The following MALT1 variants were observed in gnomAD, a reference collection of about 807,000 sequenced individuals.
The protein encoded by MALT1 is MALT1 paracaspase, also known as mucosa-associated lymphoid tissue lymphoma translocation protein 1.
MALT1 carries 36 observed loss-of-function variants against 85.5 expected under a neutral mutation model. The ratio of observed to expected loss-of-function variants is 0.42; its 90% CI spans 0.32 to 0.56. The LOEUF is 0.56. Among genes scored for constraint, MALT1 ranks in the 20% least tolerant of loss-of-function variants. The pLI is 0.10. For missense variants in MALT1, 716 were observed against 981.6 expected, an observed-to-expected ratio of 0.73 and a Z score of 3.62; for synonymous variants, 359 against 361.3, an observed-to-expected ratio of 0.99 and a Z score of 0.07.
chr18:58,749,000 A>C lies in MALT1; in HGVS notation c.*1158A>C. On this transcript the variant is annotated 3_prime_UTR_variant, in exon 17 of 17. Coordinates refer to ENST00000649217, the MANE Select transcript of MALT1 (RefSeq NM_006785.4). ...AATATTCCTTATTAATACAAACACA[A>C]AAATCATTAACAAAAATATTAGCAA... The C allele has an allele frequency of 4.8e-6, 1 of 209,572 alleles. No homozygotes were observed. Among genetic ancestry groups the C allele is most frequent in the Non-Finnish European group, 9.7e-6 (1 of 102,982 alleles). 13.0% of individuals were successfully genotyped at this position (209,572 alleles called of 1,614,324 possible). A position where few individuals can be genotyped will look rare whatever the true frequency, so the allele number is the denominator to read the frequency against.
chr18:58,745,735 A>C lies in MALT1; in HGVS notation c.1981A>C (p.Lys661Gln). The change falls in exon 16 of 17, where the codon AAG becomes CAG. Residue 661 changes from lysine (K) to glutamine (Q), a missense_variant. Physicochemically the swap from Lys to Gln is moderately conservative, Grantham distance 53. Transcript: ENST00000649217. ...PEETGSYLVSKDLPKHCLYTR... is the reference protein window; with the variant it reads ...PEETGSYLVSQDLPKHCLYTR... ...AGAAACTGGCAGCTACTTGGTATCA[A>C]AGGATCTTCCCAAGCATTGCCTCTA... 6.2e-7 allele frequency: 1 copy of C among 1,613,778 alleles called. No individual in the cohort carries two copies. Among genetic ancestry groups the C allele is most frequent in the South Asian group, 1.1e-5 (1 of 91,072 alleles).
At chr18:58,730,733 T>C (rs1229088723) in intron 10 of MALT1, among the ~76,000 whole-genome samples, 2 of 152,234 alleles carry the variant, frequency 1.3e-5, no homozygotes, top group Non-Finnish European at 2.9e-5. Flanking sequence ...TACACCATTT[T>C]ACATTTGTGC....
Position 58,709,970 on chromosome 18 carries a change from A to G in MALT1, c.829-6A>G. ...GAAGCATTTACATGTTCTAATATTG[A>G]TATAGGTGCCTTATGTGGATTTGGA... On this transcript the variant is annotated splice_region_variant and splice_polypyrimidine_tract_variant and intron_variant, in intron 5 of 16. Coordinates refer to ENST00000649217, the MANE Select transcript of MALT1 (RefSeq NM_006785.4). 2 of 1,569,456 alleles carry G rather than the reference A, an allele frequency of 1.3e-6. No homozygotes were observed. The highest frequency in any genetic ancestry group is 1.7e-6 in the Non-Finnish European group (2 of 1,143,274).
intron 13 of MALT1, 97 bp downstream of exon 13, chr18:58,735,426 T>A: frequency 7.5e-7 from 1 of 1,335,838 alleles, no homozygotes; most frequent in Non-Finnish European, 1.0e-6. Flanking sequence ...TTTATTCTTA[T>A]TATGTGGGTT....
In MALT1 at chr18:58,693,429, AAAG is replaced by A. The variant is rs200096748; in HGVS notation, c.377-2936_377-2934del. On this transcript the variant is annotated intron_variant, in intron 2 of 16. Coordinates refer to ENST00000649217, the MANE Select transcript of MALT1 (RefSeq NM_006785.4). Reference sequence around the variant, plus strand: ...GAGACAGACCTTGTCTCAAAACAAAAAAGCAATAAAAGATCTAGCTAAGATAAT... The same window carrying A: ...GAGACAGACCTTGTCTCAAAACAAAACAATAAAAGATCTAGCTAAGATAAT... Among the ~76,000 whole-genome samples, 72 of 152,046 alleles carry A rather than the reference AAAG, an allele frequency of 4.7e-4. 1 individual carries two copies. The East Asian group carries it at 0.013, about 28-fold the overall frequency.
chr18:58,705,370 T>C (rs1014010724), intron 4 of MALT1, among the ~76,000 whole-genome samples: 3 of 150,614 alleles, frequency 2.0e-5, no homozygotes, highest in Non-Finnish European at 3.0e-5. Flanking sequence ...CATGTGCACA[T>C]TGCGCAGGTT....
rs777514569 is a variant in MALT1 at position 58,735,292 on chromosome 18, T to G, written c.1566T>G (p.Asp522Glu). ...TTTTAAAAGACAGATTATTAGAAGA[T>G]AAGAAAATCACTGTGTTACTGGATG... is the stretch of plus-strand genomic sequence containing the variant. ...MKFLKDRLLE[D>E]KKITVLLDEV... Residue 522 changes from aspartate (D) to glutamate (E), a missense_variant, in exon 13 of 17, where the codon GAT becomes GAG. By Grantham distance (45) the Asp-to-Glu change is conservative. This residue lies in a region of MALT1 where 86 missense variants were observed against 212.3 expected (regional missense o/e 0.41). Transcript: ENST00000649217. 5 of 1,608,062 alleles carry G rather than the reference T, an allele frequency of 3.1e-6. No homozygotes were observed. Among genetic ancestry groups the G allele is most frequent in the Non-Finnish European group, 3.4e-6 (4 of 1,178,064 alleles).
chr18:58,678,489 A>G (rs1487936969), intron 1 of MALT1, among the ~76,000 whole-genome samples: 1 of 152,110 alleles, frequency 6.6e-6, no homozygotes, highest in African/African-American at 2.4e-5. Context: ...ATATATGTTT[A>G]ATATGATGGG....
intron 9 of MALT1, among the ~76,000 whole-genome samples, chr18:58,720,281 C>T (rs1419362362): frequency 6.6e-6 from 1 of 152,176 alleles, no homozygotes; most frequent in East Asian, 1.9e-4. Context: ...CTTTATTCCT[C>T]ACTCTTACCT....
chr18:58,680,021 T>TA (rs149748019), intron 1 of MALT1, among the ~76,000 whole-genome samples: 7,159 of 151,426 alleles, frequency 0.047, 202 homozygotes, highest in East Asian at 0.071. Flanking sequence ...GCATCTCTAT[T>TA]AAAAAAAAAT....
At chr18:58,704,683 A>G (rs1301189274) in intron 4 of MALT1, among the ~76,000 whole-genome samples, 1 of 152,160 alleles carries the variant, frequency 6.6e-6, no homozygotes, top group Non-Finnish European at 1.5e-5. Flanking sequence ...GTCTCAAGCG[A>G]TCCGCCCACC....
rs879522631 is a variant in MALT1 at position 58,732,762 on chromosome 18, C to CTATATATATATATATATATATATATAT, written c.1223-635_1223-634insTATATATATATATATATATATATATAT. On this transcript the variant is annotated intron_variant, in intron 10 of 16. Coordinates refer to ENST00000649217, the MANE Select transcript of MALT1 (RefSeq NM_006785.4). ...TGAGTCAGGAGAGAAATCCTAGCTGCATTCTTTTTTATATATCATAACATA... is the reference window on the plus strand; with the variant it reads ...TGAGTCAGGAGAGAAATCCTAGCTGCTATATATATATATATATATATATATATATTCTTTTTTATATATCATAACATA... Among the ~76,000 whole-genome samples the CTATATATATATATATATATATATATAT allele has an allele frequency of 2.0e-3, 305 of 150,604 alleles. 1 individual carries two copies. Among genetic ancestry groups the CTATATATATATATATATATATATATAT allele is most frequent in the East Asian group, 0.015 (76 of 5,102 alleles).
chr18:58,734,396 T>G lies in MALT1; in HGVS notation c.1475+15T>G. On this transcript the variant is annotated intron_variant, in intron 12 of 16. Transcript: ENST00000649217. ...GGATATGCCACGTAAGAACATTTGATGTTTACGTTGAAGTTTCCTTTATTG... is the reference window on the plus strand; with the variant it reads ...GGATATGCCACGTAAGAACATTTGAGGTTTACGTTGAAGTTTCCTTTATTG... 1 of 1,603,324 alleles carries G rather than the reference T, an allele frequency of 6.2e-7. No homozygotes were observed. Among genetic ancestry groups the G allele is most frequent in the Non-Finnish European group, 8.5e-7 (1 of 1,170,154 alleles).
chr18:58,720,440 A>G (rs1275540247), intron 9 of MALT1, among the ~76,000 whole-genome samples: 1 of 152,204 alleles, frequency 6.6e-6, no homozygotes, highest in Non-Finnish European at 1.5e-5. Flanking sequence ...TTACTTACCC[A>G]CCATCTTTTT....
intron 10 of MALT1, among the ~76,000 whole-genome samples, chr18:58,727,628 GTTTTTTTTTT>G (rs74183292): frequency 7.7e-6 from 1 of 130,644 alleles, no homozygotes; most frequent in Non-Finnish European, 1.6e-5. Flanking sequence ...TTTTTTTTTT[GTTTTTTTTTT>G]TTTTGAGGAA....
rs368386848 is a variant in MALT1, at chr18:58,744,453, G to A, written c.1869G>A (p.Pro623=). The A allele has an allele frequency of 2.2e-5, 35 of 1,605,892 alleles. No homozygotes were observed. The highest frequency in any genetic ancestry group is 6.7e-5 in the South Asian group (6 of 89,850). Residue 623 remains proline, a synonymous_variant, in exon 15 of 17, where the codon CCG becomes CCA. Coordinates refer to ENST00000649217, the MANE Select transcript of MALT1 (RefSeq NM_006785.4). ...IIYTSIVYKP[P]EIIMCDAYVT... ...ATACAAGTATAGTTTACAAACCACC[G>A]GAGATAATAATGTGTGATGCCTACG...
chr18:58,694,114 G>A (rs766928107), intron 2 of MALT1, among the ~76,000 whole-genome samples: 8 of 152,056 alleles, frequency 5.3e-5, no homozygotes, highest in Non-Finnish European at 1.0e-4. Flanking sequence ...AACTTCATCC[G>A]TCCTGTACTA....
At chr18:58,715,272 A>T (rs1027890266) in intron 8 of MALT1, among the ~76,000 whole-genome samples, 3 of 152,228 alleles carry the variant, frequency 2.0e-5, no homozygotes, top group African/African-American at 7.2e-5. Flanking sequence ...CACCACTAAG[A>T]TTCTAAAATT....
intron 1 of MALT1, among the ~76,000 whole-genome samples, chr18:58,679,539 A>G (rs1256231059): frequency 1.3e-5 from 2 of 152,228 alleles, no homozygotes; most frequent in African/African-American, 4.8e-5. Context: ...CTAGGTACTT[A>G]GAAGTACTTT....
Sources: gnomAD v4.1 joint callset for allele counts (sites outside exome capture counted in the v4.1 genomes callset) on GRCh38, gnomAD v4.1.1 for gene constraint, gnomAD v4.1.1 regional missense constraint, MANE v1.5 for transcripts, NCBI Gene and HGNC (gene_info 2026-07-23, HGNC 2026-07-21) for gene names.